Variants in ARIH1 observed in about 807,000 individuals in gnomAD.
ARIH1 encodes the protein ariadne RBR E3 ubiquitin protein ligase 1, also known as E3 ubiquitin-protein ligase ARIH1.
In ARIH1, 8 loss-of-function variants were observed where a neutral mutation model predicts 85.0. The ratio of observed to expected loss-of-function variants is 0.09; its 90% CI spans 0.06 to 0.17. The LOEUF is 0.17. Among genes scored for constraint, ARIH1 ranks in the 10% least tolerant of loss-of-function variants. The probability of loss-of-function intolerance (pLI) is 1.00; values close to 1 mark genes in which losing one functional copy is unlikely to be tolerated. For missense variants in ARIH1, 311 were observed against 718.1 expected (o/e 0.43, Z 6.48); for synonymous variants, 238 against 253.6 (o/e 0.94, Z 0.59).
intron 12 of ARIH1, 121 bp downstream of exon 12, chr15:72,581,112 T>C: frequency 9.7e-7 from 1 of 1,033,920 alleles, no homozygotes; most frequent in South Asian, 1.7e-5. Context: ...GGTAGACGAA[T>C]GTATTTATTA....
chr15:72,548,422 G>A (rs931015656), intron 3 of ARIH1, among the ~76,000 whole-genome samples: 2 of 152,166 alleles, frequency 1.3e-5, no homozygotes, highest in African/African-American at 4.8e-5. Flanking sequence ...TGGGAAACCA[G>A]ACTTCATGGG....
chr15:72,538,297 G>C (rs2064091770), intron 2 of ARIH1, among the ~76,000 whole-genome samples: 2 of 152,180 alleles, frequency 1.3e-5, no homozygotes, highest in Admixed American at 1.3e-4. Context: ...CCGGGAGGTG[G>C]AAGTTGCAGT....
chr15:72,496,740 CTT>C, intron 1 of ARIH1: 1 of 921,716 alleles, frequency 1.1e-6, no homozygotes, highest in Non-Finnish European at 1.3e-6. Flanking sequence ...AAGTGTGTCT[CTT>C]TGGCCTTTGC....
Position 72,566,624 on chromosome 15 carries a change from T to G in ARIH1, c.954+19T>G. On this transcript the variant is annotated intron_variant, in intron 8 of 13. Transcript: ENST00000379887. The stretch of plus-strand genomic sequence containing the variant: ...ATGTAAGGTGAGTTTGTCTGACATT[T>G]CAATTTTTAAATAATGGCACACTTC... The G allele has an allele frequency of 1.9e-6, 3 of 1,603,426 alleles. No homozygotes were observed. The highest frequency in any genetic ancestry group is 2.6e-6 in the Non-Finnish European group (3 of 1,170,782).
intron 11 of ARIH1, among the ~76,000 whole-genome samples, chr15:72,574,500 C>T (rs75935142): frequency 0.022 from 3,298 of 152,244 alleles, 94 homozygotes; most frequent in African/African-American, 0.069. Flanking sequence ...TCAAAAGATC[C>T]TTGATGGTAC....
intron 1 of ARIH1, among the ~76,000 whole-genome samples, chr15:72,493,264 C>CT (rs1461699475): frequency 1.1e-4 from 17 of 151,858 alleles, no homozygotes; most frequent in Non-Finnish European, 1.8e-4. Flanking sequence ...CAGACTAACA[C>CT]TTTTTGGGGG....
chr15:72,557,150 C>T (rs1310767646), intron 5 of ARIH1, among the ~76,000 whole-genome samples: 2 of 151,546 alleles, frequency 1.3e-5, no homozygotes, highest in Non-Finnish European at 2.9e-5. Context: ...AATAATATTC[C>T]TTATGACTGG....
intron 2 of ARIH1, among the ~76,000 whole-genome samples, chr15:72,541,516 C>T (rs2064107437): frequency 6.6e-6 from 1 of 151,224 alleles, no homozygotes; most frequent in Admixed American, 6.6e-5. Context: ...GTAAAAGTTC[C>T]AAGAGGATTT....
intron 2 of ARIH1, among the ~76,000 whole-genome samples, chr15:72,543,746 G>C (rs1190953952): frequency 6.6e-6 from 1 of 151,950 alleles, no homozygotes; most frequent in African/African-American, 2.4e-5. Flanking sequence ...TATATAAAGA[G>C]CATTATAGTT....
intron 2 of ARIH1, among the ~76,000 whole-genome samples, chr15:72,542,503 A>T (rs1386487542): frequency 1.3e-5 from 2 of 152,236 alleles, no homozygotes; most frequent in African/African-American, 4.8e-5. Flanking sequence ...TTAATCTAGG[A>T]TTATTTATAT....
Position 72,602,382 on chromosome 15 carries a change from T to G in ARIH1, c.*19090T>G, listed in dbSNP as rs917896414. 3.3e-5 allele frequency: 5 copies of G among 152,276 alleles called. No individual in the cohort carries two copies. Among genetic ancestry groups the G allele is most frequent in the African/African-American group, 4.8e-5 (2 of 41,472 alleles). 9.4% of individuals were successfully genotyped at this position (152,276 alleles called of 1,614,324 possible). A position where few individuals can be genotyped will look rare whatever the true frequency, so the allele number is the denominator to read the frequency against. On this transcript the variant is annotated 3_prime_UTR_variant, in exon 14 of 14. Coordinates refer to ENST00000379887, the MANE Select transcript of ARIH1 (RefSeq NM_005744.5). ...TCTTGGAAACTAATTTGCATGTTTT[T>G]TTTCCTTGCACAGTTATATTTTCAT...
chr15:72,505,497 G>GA (rs1370513287), intron 1 of ARIH1, among the ~76,000 whole-genome samples: 4 of 151,784 alleles, frequency 2.6e-5, no homozygotes, highest in East Asian at 1.9e-4. Context: ...GTCTCCTCTT[G>GA]AAAAAATGTA....
At chr15:72,561,583 A>G in intron 6 of ARIH1, 34 bp downstream of exon 6, 1 of 1,220,546 alleles carries the variant, frequency 8.2e-7, no homozygotes, top group Non-Finnish European at 1.2e-6. Flanking sequence ...GTAAGAAGGA[A>G]TTCTGTTTAT....
chr15:72,600,233 C>G lies in ARIH1; in HGVS notation c.*16941C>G, dbSNP rs2140448776. 6.6e-6 allele frequency: 1 copy of G among 152,240 alleles called. No individual in the cohort carries two copies. Among genetic ancestry groups the G allele is most frequent in the African/African-American group, 2.4e-5 (1 of 41,526 alleles). The allele number at this position is 152,240 out of a possible 1,614,324, so 9.4% of individuals were successfully genotyped here. A position where few individuals can be genotyped will look rare whatever the true frequency, so the allele number is the denominator to read the frequency against. On this transcript the variant is annotated 3_prime_UTR_variant, in exon 14 of 14. Transcript: ENST00000379887. ...CCCCACCATAAAAATAGATAAATGC[C>G]ATTTTTTTTGTATGCCCAGCACAGC... is the stretch of plus-strand genomic sequence containing the variant.
chr15:72,511,389 C>T (rs574826431), intron 1 of ARIH1, among the ~76,000 whole-genome samples: 11 of 152,128 alleles, frequency 7.2e-5, no homozygotes, highest in Middle Eastern at 3.4e-3. Flanking sequence ...TTGTAACCTC[C>T]GCTTCCCGGG....
intron 2 of ARIH1, among the ~76,000 whole-genome samples, chr15:72,541,179 G>A (rs1159546468): frequency 1.3e-5 from 2 of 152,156 alleles, no homozygotes; most frequent in South Asian, 4.1e-4. Context: ...ACAGCTGTGA[G>A]GGTTTAGCAT....
chr15:72,479,859 G>A (rs1350942434), intron 1 of ARIH1, among the ~76,000 whole-genome samples: 2 of 151,266 alleles, frequency 1.3e-5, no homozygotes, highest in Non-Finnish European at 2.9e-5. Flanking sequence ...GGAAGACAGT[G>A]TACTATTCTT....
At position 72,474,610 on chromosome 15, in the gene ARIH1, A is replaced by G; in HGVS notation, c.-30A>G. The G allele has an allele frequency of 1.3e-6, 2 of 1,493,434 alleles. No homozygotes were observed. Among genetic ancestry groups the G allele is most frequent in the Non-Finnish European group, 1.8e-6 (2 of 1,122,370 alleles). The allele number at this position is 1,493,434 out of a possible 1,614,324, so 92.5% of individuals were successfully genotyped here. ...TCCCCGCCCTCTCCCCGCCTCGGCCAGCGTCCGCCGGGCCCCCGCGCGTCG... is the reference window on the plus strand; with the variant it reads ...TCCCCGCCCTCTCCCCGCCTCGGCCGGCGTCCGCCGGGCCCCCGCGCGTCG... On this transcript the variant is annotated 5_prime_UTR_variant, in exon 1 of 14. Transcript: ENST00000379887.
At chr15:72,506,076 G>A (rs1467979652) in intron 1 of ARIH1, among the ~76,000 whole-genome samples, 2 of 25,990 alleles carry the variant, frequency 7.7e-5, no homozygotes, top group South Asian at 0.038. Flanking sequence ...TGGGCCAGGC[G>A]CGTGGCTCAC....
Sources: allele counts gnomAD v4.1 joint callset (sites outside exome capture counted in the v4.1 genomes callset), GRCh38; gene constraint gnomAD v4.1.1; transcripts MANE v1.5; gene names NCBI Gene and HGNC (gene_info 2026-07-23, HGNC 2026-07-21).